The following TOX3 variants were observed in gnomAD, a reference collection of about 807,000 sequenced individuals.
The protein encoded by TOX3 is TOX high mobility group box family member 3.
A neutral mutation model predicts 64.3 loss-of-function variants in TOX3; 22 were observed. The observed-to-expected ratio is 0.34, with a 90% CI of 0.24 to 0.49. TOX3 has a LOEUF of 0.49. Among genes scored for constraint, TOX3 ranks in the 20% least tolerant of loss-of-function variants. TOX3 has a pLI of 0.99. For synonymous variants in TOX3, 291 were observed against 273.6 expected, an observed-to-expected ratio of 1.06 and a Z score of -0.63; for missense variants, 661 against 714.4, an observed-to-expected ratio of 0.93 and a Z score of 0.85.
At chr16:52,444,189 G>A (rs1210116980) in intron 6 of TOX3, 87 bp downstream of exon 6, 12 of 995,774 alleles carry the variant, frequency 1.2e-5, no homozygotes, top group Non-Finnish European at 1.6e-5. Context: ...CAACTTTTAG[G>A]GGAGCTACAA....
At chr16:52,520,566 C>T (rs947669510) in intron 1 of TOX3, among the ~76,000 whole-genome samples, 1 of 152,208 alleles carries the variant, frequency 6.6e-6, no homozygotes, top group African/African-American at 2.4e-5. Context: ...CACACTCTTC[C>T]TTATCCAAAA....
chr16:52,532,315 TGTA>T (rs1962868408), intron 1 of TOX3, among the ~76,000 whole-genome samples: 1 of 152,170 alleles, frequency 6.6e-6, no homozygotes, highest in Non-Finnish European at 1.5e-5. Flanking sequence ...GCCAGTAGAA[TGTA>T]GTAGAAGGAA....
At chr16:52,504,667 G>A (rs1415117311) in intron 1 of TOX3, among the ~76,000 whole-genome samples, 2 of 152,062 alleles carry the variant, frequency 1.3e-5, no homozygotes, top group Non-Finnish European at 2.9e-5. Context: ...GGTAACGGAG[G>A]CTTTTAGGGG....
At chr16:52,452,065 C>A (rs1172784986) in intron 3 of TOX3, among the ~76,000 whole-genome samples, 1 of 152,156 alleles carries the variant, frequency 6.6e-6, no homozygotes, top group African/African-American at 2.4e-5. Flanking sequence ...GGCAAAACCA[C>A]TCCCAGTTGA....
At chr16:52,487,896 T>C (rs1461538160) in intron 1 of TOX3, among the ~76,000 whole-genome samples, 5 of 152,200 alleles carry the variant, frequency 3.3e-5, no homozygotes, top group Non-Finnish European at 7.4e-5. Context: ...TGGAATCAAA[T>C]ATTTAATGAC....
chr16:52,546,878 T>A lies in TOX3; in HGVS notation c.-155A>T. Reference sequence around the variant, plus strand: ...CGCCGGGACCCAGAGCCCGAGGAGCTCGGGAGCCGCGGCCGCCGCACACAA... The same window carrying A: ...CGCCGGGACCCAGAGCCCGAGGAGCACGGGAGCCGCGGCCGCCGCACACAA... On this transcript the variant is annotated 5_prime_UTR_variant, in exon 1 of 7. Coordinates refer to ENST00000219746, the MANE Select transcript of TOX3 (RefSeq NM_001080430.4). The A allele has an allele frequency of 8.5e-7, 1 of 1,177,216 alleles. No homozygotes were observed. 72.9% of individuals were successfully genotyped at this position (1,177,216 alleles called of 1,614,324 possible).
intron 1 of TOX3, among the ~76,000 whole-genome samples, chr16:52,472,463 T>C (rs1175209712): frequency 3.3e-5 from 5 of 152,222 alleles, no homozygotes; most frequent in African/African-American, 1.2e-4. Flanking sequence ...ATCCTAATTT[T>C]ACACCATGGT....
intron 1 of TOX3, among the ~76,000 whole-genome samples, chr16:52,515,411 T>C (rs1200734548): frequency 6.6e-6 from 1 of 152,166 alleles, no homozygotes; most frequent in African/African-American, 2.4e-5. Context: ...AATCATTCCA[T>C]GTCTTATTTT....
In TOX3 at chr16:52,445,592, A is replaced by G. The variant is rs545231113; in HGVS notation, c.906+402T>C. ...AGGCAGCTTCAAAGTTTGGAAACCCACCAGGACAGCACAAGGGTTCAGAAA... is the reference window on the plus strand; with the variant it reads ...AGGCAGCTTCAAAGTTTGGAAACCCGCCAGGACAGCACAAGGGTTCAGAAA... On this transcript the variant is annotated intron_variant, in intron 5 of 6. Transcript: ENST00000219746. The G allele has an allele frequency of 1.2e-4, 20 of 161,158 alleles. No homozygotes were observed. The South Asian group carries it at 3.0e-3, about 24-fold the overall frequency. 10.0% of individuals were successfully genotyped at this position (161,158 alleles called of 1,614,324 possible).
At chr16:52,443,742 C>T (rs1439866563) in intron 6 of TOX3, among the ~76,000 whole-genome samples, 1 of 152,096 alleles carries the variant, frequency 6.6e-6, no homozygotes, top group Non-Finnish European at 1.5e-5. Context: ...TATAACACAC[C>T]AGGGTCCACT....
chr16:52,512,825 AAAGAAG>A (rs572741675), intron 1 of TOX3, among the ~76,000 whole-genome samples: 2 of 152,186 alleles, frequency 1.3e-5, no homozygotes, highest in African/African-American at 4.8e-5. Flanking sequence ...TATTAAAAAA[AAAGAAG>A]AAGAAGAAAA....
chr16:52,464,087 C>T lies in TOX3; in HGVS notation c.255G>A (p.Leu85=), dbSNP rs753978085. The T allele has an allele frequency of 5.0e-6, 8 of 1,604,722 alleles. No individual in the cohort carries two copies. The South Asian group carries it at 9.0e-5, about 18-fold the overall frequency. The change falls in exon 3 of 7, where the codon CTG becomes CTA. Residue 85 remains leucine (L), a synonymous_variant. Coordinates refer to ENST00000219746, the MANE Select transcript of TOX3 (RefSeq NM_001080430.4). ...SDPALGMPDV[L]LPFQALSDPL... ...GATCGCTGAGGGCTTGAAAGGGTAG[C>T]AGTACATCCGGCATGCCTAGGGCAG...
intron 1 of TOX3, among the ~76,000 whole-genome samples, chr16:52,523,518 T>A (rs1184458377): frequency 1.3e-5 from 2 of 152,172 alleles, no homozygotes; most frequent in Non-Finnish European, 2.9e-5. Flanking sequence ...GGAAACTAGA[T>A]TCCCCACCTT....
intron 1 of TOX3, among the ~76,000 whole-genome samples, chr16:52,531,973 G>A (rs1962861209): frequency 6.6e-6 from 1 of 152,158 alleles, no homozygotes; most frequent in African/African-American, 2.4e-5. Context: ...TTTGCACCTG[G>A]AAATACGGCA....
chr16:52,444,982 GCTT>G (rs1362590494), intron 5 of TOX3: 2 of 152,172 alleles, frequency 1.3e-5, no homozygotes, highest in Non-Finnish European at 2.9e-5. Context: ...CATGATTTGG[GCTT>G]CTCCTTTTCC....
chr16:52,531,403 GGTAAGTTT>G (rs1451962451), intron 1 of TOX3, among the ~76,000 whole-genome samples: 5 of 152,096 alleles, frequency 3.3e-5, no homozygotes, highest in African/African-American at 1.2e-4. Context: ...TGCTTAAGGT[GGTAAGTTT>G]GATACTAAAT....
In TOX3 at chr16:52,485,152, T is replaced by C. The variant is rs541397459; in HGVS notation, c.88-16578A>G. Among the ~76,000 whole-genome samples the C allele has an allele frequency of 1.7e-4, 26 of 149,568 alleles. 1 individual carries two copies. Among genetic ancestry groups the C allele is most frequent in the Admixed American group, 1.1e-3 (16 of 14,980 alleles). On this transcript the variant is annotated intron_variant, in intron 1 of 6. Coordinates refer to ENST00000219746, the MANE Select transcript of TOX3 (RefSeq NM_001080430.4). ...GTATACATATGTGTGTATATGTGTGTGTATATATACATGTATGTATATATG... is the reference window on the plus strand; with the variant it reads ...GTATACATATGTGTGTATATGTGTGCGTATATATACATGTATGTATATATG...
chr16:52,447,757 T>G (rs58444313), intron 4 of TOX3, among the ~76,000 whole-genome samples: 3,637 of 152,330 alleles, frequency 0.024, 133 homozygotes, highest in African/African-American at 0.083. Context: ...GAGAGTCAGA[T>G]GCCTTTCAGT....
chr16:52,521,244 TC>T (rs1019694675), intron 1 of TOX3, among the ~76,000 whole-genome samples: 19 of 152,328 alleles, frequency 1.2e-4, no homozygotes, highest in Admixed American at 1.0e-3. Flanking sequence ...GGAAATGCTT[TC>T]TATGTAATTC....
Sources: gnomAD v4.1 joint callset for allele counts (sites outside exome capture counted in the v4.1 genomes callset) on GRCh38, gnomAD v4.1.1 for gene constraint, MANE v1.5 for transcripts, NCBI Gene and HGNC (gene_info 2026-07-23, HGNC 2026-07-21) for gene names.